PDLIM5: variants seen among roughly 807,000 people sequenced by gnomAD.
PDLIM5 encodes the protein PDZ and LIM domain 5.
PDLIM5 carries 34 observed loss-of-function variants against 64.2 expected under a neutral mutation model. That is an observed-to-expected ratio of 0.53 (90% CI 0.40 to 0.71). The LOEUF is 0.71. PDLIM5 is among the 30% of genes least tolerant of loss of function. The pLI is 0.00. For synonymous variants in PDLIM5, 253 were observed against 269.1 expected, an observed-to-expected ratio of 0.94 and a Z score of 0.59; for missense variants, 683 against 733.6, an observed-to-expected ratio of 0.93 and a Z score of 0.80.
intron 8 of PDLIM5, among the ~76,000 whole-genome samples, chr4:94,621,994 T>A (rs1261891186): frequency 1.3e-5 from 2 of 152,210 alleles, no homozygotes; most frequent in South Asian, 2.1e-4. Context: ...TTTATCTTGC[T>A]CCAGGTGCTA....
chr4:94,667,464 A>T lies in PDLIM5; in HGVS notation c.*3397A>T, dbSNP rs557078566. The T allele has an allele frequency of 2.0e-5, 3 of 152,322 alleles. No individual in the cohort carries two copies. In the South Asian group the frequency reaches 6.2e-4, roughly 32 times the overall value. The allele number at this position is 152,322 out of a possible 1,614,324, so 9.4% of individuals were successfully genotyped here. ...TAACAACTATTTACAAAGCATTTACATTGTATTAGCTATTATAGGTAATCT... is the reference window on the plus strand; with the variant it reads ...TAACAACTATTTACAAAGCATTTACTTTGTATTAGCTATTATAGGTAATCT... On this transcript the variant is annotated 3_prime_UTR_variant, in exon 13 of 13. Transcript: ENST00000317968.
chr4:94,601,191 A>C (rs972835867), intron 7 of PDLIM5, among the ~76,000 whole-genome samples: 1 of 152,224 alleles, frequency 6.6e-6, no homozygotes, highest in Non-Finnish European at 1.5e-5. Flanking sequence ...GTCAAGATCG[A>C]GGTACCTGTA....
intron 8 of PDLIM5, among the ~76,000 whole-genome samples, chr4:94,619,352 C>CTTTT (rs5860369): frequency 7.0e-6 from 1 of 143,574 alleles, no homozygotes; most frequent in African/African-American, 2.6e-5. Context: ...TCTTTTTTTT[C>CTTTT]TTTTTTTTTT....
chr4:94,605,961 T>A (rs1478115004), intron 7 of PDLIM5, among the ~76,000 whole-genome samples: 1 of 151,756 alleles, frequency 6.6e-6, no homozygotes, highest in Non-Finnish European at 1.5e-5. Context: ...ATTTTTAATA[T>A]TAAAATATTT....
At chr4:94,619,683 C>T (rs572329231) in intron 8 of PDLIM5, among the ~76,000 whole-genome samples, 4 of 152,168 alleles carry the variant, frequency 2.6e-5, no homozygotes, top group Admixed American at 6.5e-5. Flanking sequence ...TGCCCAGTCT[C>T]CCAGGCTGAA....
In PDLIM5 at chr4:94,668,060, C is replaced by A. The variant is rs1224151389; in HGVS notation, c.*3993C>A. The A allele has an allele frequency of 6.6e-6, 1 of 152,130 alleles. No homozygotes were observed. Among genetic ancestry groups the A allele is most frequent in the Admixed American group, 6.5e-5 (1 of 15,276 alleles). The allele number at this position is 152,130 out of a possible 1,614,324, so 9.4% of individuals were successfully genotyped here. A position where few individuals can be genotyped will look rare whatever the true frequency, so the allele number is the denominator to read the frequency against. ...ATTTGGATTCTCAATGTATAAGTTGCCTTATCTGTTAATGTCTATCTTCTG... is the reference window on the plus strand; with the variant it reads ...ATTTGGATTCTCAATGTATAAGTTGACTTATCTGTTAATGTCTATCTTCTG... On this transcript the variant is annotated 3_prime_UTR_variant, in exon 13 of 13. Coordinates refer to ENST00000317968, the MANE Select transcript of PDLIM5 (RefSeq NM_006457.5).
chr4:94,610,083 G>A, intron 7 of PDLIM5: 1 of 730,364 alleles, frequency 1.4e-6, no homozygotes, highest in Non-Finnish European at 2.2e-6. Flanking sequence ...TGAAATGGTT[G>A]CTCTCTTGTA....
intron 5 of PDLIM5, chr4:94,582,603 G>T (rs2110303431): frequency 3.0e-6 from 2 of 660,666 alleles, no homozygotes; most frequent in South Asian, 1.9e-5. Context: ...TTATTTCATT[G>T]TCTTTTCTTT....
intron 8 of PDLIM5, among the ~76,000 whole-genome samples, chr4:94,621,185 T>C (rs189221849): frequency 6.7e-6 from 1 of 150,354 alleles, no homozygotes; most frequent in Admixed American, 6.6e-5. Context: ...TCATTACTTC[T>C]AAAAACTTAA....
chr4:94,494,772 A>G (rs1410926601), intron 2 of PDLIM5, among the ~76,000 whole-genome samples: 1 of 148,180 alleles, frequency 6.7e-6, no homozygotes, highest in Non-Finnish European at 1.5e-5. Flanking sequence ...TTTTTGTGAC[A>G]GAGTCTTGCC....
At chr4:94,614,400 C>T (rs1738612150) in intron 7 of PDLIM5, among the ~76,000 whole-genome samples, 1 of 152,136 alleles carries the variant, frequency 6.6e-6, no homozygotes. Flanking sequence ...CAGGCATGAA[C>T]TACTGTGCCC....
At chr4:94,518,197 T>C (rs868483710) in intron 2 of PDLIM5, among the ~76,000 whole-genome samples, 4 of 152,220 alleles carry the variant, frequency 2.6e-5, no homozygotes, top group African/African-American at 7.2e-5. Context: ...GTTAGACTTA[T>C]TTAAAATGAT....
In PDLIM5 at chr4:94,665,115, T is replaced by C. The variant is rs1578573054; in HGVS notation, c.*1048T>C. 1 of 172,108 alleles carries C rather than the reference T, an allele frequency of 5.8e-6. No homozygotes were observed. The highest frequency in any genetic ancestry group is 1.2e-4 in the South Asian group (1 of 8,192). 10.7% of individuals were successfully genotyped at this position (172,108 alleles called of 1,614,324 possible). ...CATCACCTATATTAGGCAAATTCCA[T>C]TTTTTTCCCTTGTGCTAAGGTAAAG... On this transcript the variant is annotated 3_prime_UTR_variant, in exon 13 of 13. Coordinates refer to ENST00000317968, the MANE Select transcript of PDLIM5 (RefSeq NM_006457.5).
chr4:94,622,030 C>T (rs552756381), intron 8 of PDLIM5, among the ~76,000 whole-genome samples: 1 of 152,192 alleles, frequency 6.6e-6, no homozygotes, highest in Admixed American at 6.5e-5. Flanking sequence ...TCAGTTATTA[C>T]GTTGTGGCAA....
At chr4:94,457,754 A>G (rs1034120706) in intron 2 of PDLIM5, among the ~76,000 whole-genome samples, 4 of 152,246 alleles carry the variant, frequency 2.6e-5, no homozygotes, top group African/African-American at 9.6e-5. Context: ...ATGCTGATAC[A>G]ACAGAACACT....
intron 3 of PDLIM5, among the ~76,000 whole-genome samples, chr4:94,566,500 T>C (rs1734331635): frequency 6.6e-6 from 1 of 152,186 alleles, no homozygotes; most frequent in East Asian, 1.9e-4. Flanking sequence ...GAAGGTGCCT[T>C]CTATCACTGC....
intron 2 of PDLIM5, among the ~76,000 whole-genome samples, chr4:94,484,088 C>A (rs374519378): frequency 7.9e-5 from 12 of 152,256 alleles, no homozygotes; most frequent in African/African-American, 2.9e-4. Flanking sequence ...TTTACTAGCA[C>A]GCTGTTAGTG....
chr4:94,603,066 A>G (rs1395064599), intron 7 of PDLIM5, among the ~76,000 whole-genome samples: 1 of 152,232 alleles, frequency 6.6e-6, no homozygotes, highest in Non-Finnish European at 1.5e-5. Context: ...GACATTGTAC[A>G]GGTAGTCTAA....
At chr4:94,581,893 T>C (rs1735763160) in intron 5 of PDLIM5, among the ~76,000 whole-genome samples, 1 of 152,216 alleles carries the variant, frequency 6.6e-6, no homozygotes, top group Non-Finnish European at 1.5e-5. Context: ...TTAGTTCCTT[T>C]ACCATGTCTT....
Sources: gnomAD v4.1 joint callset for allele counts (sites outside exome capture counted in the v4.1 genomes callset) on GRCh38, gnomAD v4.1.1 for gene constraint, MANE v1.5 for transcripts, NCBI Gene and HGNC (gene_info 2026-07-23, HGNC 2026-07-21) for gene names.